SNTG1: variants seen among roughly 807,000 people sequenced by gnomAD.
The protein encoded by SNTG1 is gamma-1-syntrophin.
Under a neutral mutation model 74.7 loss-of-function variants are expected in SNTG1, and 39 were observed. The observed-to-expected ratio is 0.52, with a 90% CI of 0.40 to 0.68. SNTG1 has a LOEUF of 0.68. Ranked by LOEUF, SNTG1 falls within the 30% of genes least tolerant of loss-of-function variation. The pLI is 0.00. For missense variants in SNTG1, 685 were observed against 609.5 expected, an observed-to-expected ratio of 1.12 and a Z score of -1.30; for synonymous variants, 254 against 217.1, an observed-to-expected ratio of 1.17 and a Z score of -1.49.
At chr8:50,181,340 T>C (rs1286427279) in intron 2 of SNTG1, among the ~76,000 whole-genome samples, 1 of 152,222 alleles carries the variant, frequency 6.6e-6, no homozygotes, top group African/African-American at 2.4e-5. Context: ...CTAATGGAGT[T>C]TATCATAAAC....
At chr8:50,505,184 G>T (rs1438026966) in intron 9 of SNTG1, among the ~76,000 whole-genome samples, 1 of 152,096 alleles carries the variant, frequency 6.6e-6, no homozygotes, top group Non-Finnish European at 1.5e-5. Context: ...ATTTAAGAAT[G>T]AATAACATTC....
intron 1 of SNTG1, among the ~76,000 whole-genome samples, chr8:50,100,141 G>A (rs1449272017): frequency 6.6e-6 from 1 of 152,024 alleles, no homozygotes; most frequent in Non-Finnish European, 1.5e-5. Flanking sequence ...AGACATTAAA[G>A]TAAGTGAAAT....
At chr8:50,717,371 GTT>G (rs2095477595) in intron 17 of SNTG1, among the ~76,000 whole-genome samples, 1 of 152,054 alleles carries the variant, frequency 6.6e-6, no homozygotes, top group Admixed American at 6.6e-5. Flanking sequence ...TTCCATAAAA[GTT>G]TTGTAACTCA....
intron 1 of SNTG1, among the ~76,000 whole-genome samples, chr8:50,127,565 C>T (rs2131382707): frequency 6.6e-6 from 1 of 152,258 alleles, no homozygotes; most frequent in East Asian, 1.9e-4. Flanking sequence ...TGCCTCAAGG[C>T]CTGGCAATTT....
At chr8:50,409,451 A>G (rs1374786324) in intron 4 of SNTG1, among the ~76,000 whole-genome samples, 1 of 152,238 alleles carries the variant, frequency 6.6e-6, no homozygotes, top group Non-Finnish European at 1.5e-5. Context: ...TTCATCTGTG[A>G]TCATTTAAAA....
chr8:50,674,185 T>A (rs2095298953), intron 15 of SNTG1, among the ~76,000 whole-genome samples: 1 of 151,982 alleles, frequency 6.6e-6, no homozygotes, highest in African/African-American at 2.4e-5. Context: ...TTACACTGGC[T>A]TCATAAAATG....
At chr8:50,190,116 TA>T (rs2083514024) in intron 2 of SNTG1, among the ~76,000 whole-genome samples, 1 of 152,166 alleles carries the variant, frequency 6.6e-6, no homozygotes, top group Admixed American at 6.6e-5. Flanking sequence ...CTAGGTTATC[TA>T]CTAGGCACTG....
chr8:49,926,748 A>T (rs549755825), intron 1 of SNTG1, among the ~76,000 whole-genome samples: 1 of 152,316 alleles, frequency 6.6e-6, no homozygotes, highest in South Asian at 2.1e-4. Flanking sequence ...AGCTAAATTC[A>T]TTAAAATTAA....
chr8:49,985,983 A>AT (rs113783406), intron 1 of SNTG1, among the ~76,000 whole-genome samples: 7,799 of 152,248 alleles, frequency 0.051, 655 homozygotes, highest in African/African-American at 0.17. Flanking sequence ...ACAAAGACCT[A>AT]GTGAGATAGG....
chr8:50,307,552 T>C (rs925037493), intron 2 of SNTG1, among the ~76,000 whole-genome samples: 1 of 152,148 alleles, frequency 6.6e-6, no homozygotes, highest in Non-Finnish European at 1.5e-5. Context: ...GTATTTTATT[T>C]ATGAAATAAA....
chr8:50,236,831 G>T (rs1433633092), intron 2 of SNTG1, among the ~76,000 whole-genome samples: 1 of 152,098 alleles, frequency 6.6e-6, no homozygotes, highest in African/African-American at 2.4e-5. Flanking sequence ...ACAGCTTCAA[G>T]AAATGTCAAC....
At chr8:50,591,919 C>A (rs2094694419) in intron 13 of SNTG1, among the ~76,000 whole-genome samples, 1 of 152,202 alleles carries the variant, frequency 6.6e-6, no homozygotes, top group Admixed American at 6.5e-5. Context: ...CATGCTGCAG[C>A]AGCCTGTAGT....
intron 2 of SNTG1, among the ~76,000 whole-genome samples, chr8:50,260,528 G>GAC (rs66958047): frequency 0.34 from 39,244 of 114,538 alleles, 5,104 homozygotes; most frequent in Middle Eastern, 0.47. Flanking sequence ...CACACACACA[G>GAC]ACACACACAC....
chr8:50,469,799 T>C (rs1397961543), intron 8 of SNTG1, among the ~76,000 whole-genome samples: 1 of 152,092 alleles, frequency 6.6e-6, no homozygotes, highest in East Asian at 1.9e-4. Context: ...GCCAACAGGG[T>C]GAAACCCCGT....
intron 13 of SNTG1, among the ~76,000 whole-genome samples, chr8:50,650,548 A>G (rs2095138586): frequency 6.6e-6 from 1 of 152,154 alleles, no homozygotes; most frequent in African/African-American, 2.4e-5. Flanking sequence ...AGTAGAAATT[A>G]AAAAGATTCA....
intron 15 of SNTG1, among the ~76,000 whole-genome samples, chr8:50,685,206 T>G (rs559394034): frequency 1.3e-5 from 2 of 152,264 alleles, no homozygotes; most frequent in East Asian, 3.9e-4. Context: ...ATGACAAACA[T>G]AGGAAAATAA....
At chr8:50,059,495 C>T (rs1182022353) in intron 1 of SNTG1, among the ~76,000 whole-genome samples, 2 of 152,096 alleles carry the variant, frequency 1.3e-5, no homozygotes, top group African/African-American at 4.8e-5. Context: ...ACATTACCCT[C>T]CCATTTATCC....
intron 2 of SNTG1, among the ~76,000 whole-genome samples, chr8:50,178,427 A>C (rs1432842754): frequency 6.6e-6 from 1 of 151,012 alleles, no homozygotes; most frequent in East Asian, 1.9e-4. Context: ...ACACACACAC[A>C]GGGATAGTTT....
At chr8:50,734,148 A>C (rs2095519711) in intron 17 of SNTG1, among the ~76,000 whole-genome samples, 2 of 151,790 alleles carry the variant, frequency 1.3e-5, no homozygotes, top group South Asian at 4.1e-4. Context: ...TAAAATATAT[A>C]TAAAGGAAAC....
Sources: allele counts gnomAD v4.1 joint callset (sites outside exome capture counted in the v4.1 genomes callset), GRCh38; gene constraint gnomAD v4.1.1; transcripts MANE v1.5; gene names NCBI Gene and HGNC (gene_info 2026-07-23, HGNC 2026-07-21).